Variants in PCLO observed in about 807,000 individuals in gnomAD.
The protein encoded by PCLO is piccolo presynaptic cytomatrix protein.
Under a neutral mutation model 427.5 loss-of-function variants are expected in PCLO, and 82 were observed. That is an observed-to-expected ratio of 0.19 (90% confidence interval 0.16 to 0.23). The LOEUF (loss-of-function observed/expected upper bound fraction) is 0.23, where lower values mean the gene tolerates loss of function less well. Among genes scored for constraint, PCLO ranks in the 10% least tolerant of loss-of-function variants. The pLI is 1.00. For synonymous variants in PCLO, 2,357 were observed against 2,155.4 expected, an observed-to-expected ratio of 1.09 and a Z score of -2.59; for missense variants, 6,239 against 6,115.9, an observed-to-expected ratio of 1.02 and a Z score of -0.67.
chr7:83,086,205 G>A (rs2116417888), intron 3 of PCLO, among the ~76,000 whole-genome samples: 1 of 151,812 alleles, frequency 6.6e-6, no homozygotes, highest in South Asian at 2.1e-4. Flanking sequence ...CCACCTACCA[G>A]ACTCAAGCGA....
chr7:82,904,725 G>C (rs1006001020), intron 8 of PCLO, among the ~76,000 whole-genome samples: 1 of 151,850 alleles, frequency 6.6e-6, no homozygotes, highest in East Asian at 1.9e-4. Flanking sequence ...TCATCATCAG[G>C]CTTCCTAATT....
At chr7:82,974,176 C>G (rs1179971066) in intron 3 of PCLO, among the ~76,000 whole-genome samples, 1 of 151,332 alleles carries the variant, frequency 6.6e-6, no homozygotes, top group Non-Finnish European at 1.5e-5. Context: ...CTCTTGAGGT[C>G]AGGAGTTTGA....
intron 11 of PCLO, 99 bp from the exon 12 acceptor site, chr7:82,846,733 G>A: frequency 2.8e-6 from 2 of 703,902 alleles, no homozygotes; most frequent in Non-Finnish European, 4.8e-6. Context: ...AGGTAAATGA[G>A]AAGTGGTTAA....
intron 10 of PCLO, among the ~76,000 whole-genome samples, chr7:82,853,553 T>C (rs141943247): frequency 0.013 from 1,988 of 152,260 alleles, 29 homozygotes; most frequent in Non-Finnish European, 0.017. Context: ...CCAATAACTA[T>C]AGGAATAAGG....
chr7:82,866,954 C>A (rs1269415000), intron 10 of PCLO, among the ~76,000 whole-genome samples: 1 of 152,100 alleles, frequency 6.6e-6, no homozygotes, highest in Non-Finnish European at 1.5e-5. Flanking sequence ...GGGGAAAAAT[C>A]TGTAAGCTCC....
In PCLO at chr7:82,777,605, C is replaced by A. The variant is rs75683989; in HGVS notation, c.15008-16112G>T. On this transcript the variant is annotated intron_variant, in intron 22 of 24. Coordinates refer to ENST00000333891, the MANE Select transcript of PCLO (RefSeq NM_033026.6). The stretch of plus-strand genomic sequence containing the variant: ...CAGAAATAAGGCTGTACACCTACAA[C>A]TATCTGATCTTTGGCAATGCTGACA... 3.7e-3 allele frequency among the ~76,000 whole-genome samples: 567 copies of A among 152,222 alleles called. 6 individuals are homozygous for A. Among genetic ancestry groups the A allele is most frequent in the African/African-American group, 0.013 (541 of 41,538 alleles).
At chr7:82,785,839 C>A (rs921413376) in intron 22 of PCLO, among the ~76,000 whole-genome samples, 1 of 152,116 alleles carries the variant, frequency 6.6e-6, no homozygotes, top group African/African-American at 2.4e-5. Flanking sequence ...AGACTCAACA[C>A]AATTTTGATA....
At chr7:83,077,964 G>GA (rs1482712652) in intron 3 of PCLO, among the ~76,000 whole-genome samples, 14 of 152,170 alleles carry the variant, frequency 9.2e-5, no homozygotes, top group Admixed American at 5.9e-4. Context: ...GGGTAGGACA[G>GA]AAAAAGGCGG....
chr7:83,142,667 G>A (rs1791890776), intron 2 of PCLO, among the ~76,000 whole-genome samples: 1 of 152,028 alleles, frequency 6.6e-6, no homozygotes, highest in African/African-American at 2.4e-5. Context: ...CTTTTAAAAA[G>A]TGCAAACATG....
Position 82,949,477 on chromosome 7 carries a change from G to A in PCLO, c.11111C>T (p.Thr3704Met), listed in dbSNP as rs530909855. 6.9e-6 allele frequency: 11 copies of A among 1,584,148 alleles called. No individual in the cohort carries two copies. The highest frequency in any genetic ancestry group is 1.7e-4 in the Middle Eastern group (1 of 5,844). Residue 3704 changes from threonine (T) to methionine (M), a missense_variant and splice_region_variant, in exon 6 of 25, where the codon ACG becomes ATG. This residue lies in a region of PCLO where 4,677 missense variants were observed against 4,468.4 expected (regional missense o/e 1.05). Transcript: ENST00000333891. ...CCAACTGAAAAGAATCACTCTTACCGTATAGCCCTCGGTATACTGAAAAGG... is the reference window on the plus strand; with the variant it reads ...CCAACTGAAAAGAATCACTCTTACCATATAGCCCTCGGTATACTGAAAAGG... ...RAPFQYTEGY[T>M]TKGSQTMTSS... is the part of the protein sequence containing the mutation.
intron 22 of PCLO, among the ~76,000 whole-genome samples, chr7:82,800,978 A>G (rs896727192): frequency 6.6e-6 from 1 of 151,580 alleles, no homozygotes; most frequent in Non-Finnish European, 1.5e-5. Flanking sequence ...GACGTCAAGG[A>G]TTTTTCACAT....
chr7:82,988,978 G>A (rs1448230472), intron 3 of PCLO, among the ~76,000 whole-genome samples: 2 of 151,926 alleles, frequency 1.3e-5, no homozygotes, highest in African/African-American at 4.8e-5. Flanking sequence ...GGGATTACAG[G>A]CATGCACCAC....
At chr7:82,910,426 C>T (rs781411022) in intron 7 of PCLO, among the ~76,000 whole-genome samples, 4 of 152,178 alleles carry the variant, frequency 2.6e-5, no homozygotes, top group South Asian at 2.1e-4. Context: ...AAATGAGCAA[C>T]GATGTGTCAT....
chr7:82,931,533 A>C (rs573587549), intron 6 of PCLO, among the ~76,000 whole-genome samples: 1 of 152,248 alleles, frequency 6.6e-6, no homozygotes, highest in South Asian at 2.1e-4. Context: ...GTCCTGACTA[A>C]GGAAGACTAC....
intron 23 of PCLO, 55 bp from the exon 24 acceptor site, chr7:82,760,839 A>G (rs1200203109): frequency 2.0e-6 from 2 of 979,844 alleles, no homozygotes; most frequent in Non-Finnish European, 3.0e-6. Context: ...ATTTCTATTG[A>G]AAGAATTATA....
chr7:82,905,610 T>C (rs931415346), intron 8 of PCLO, among the ~76,000 whole-genome samples: 1 of 151,948 alleles, frequency 6.6e-6, no homozygotes, highest in Non-Finnish European at 1.5e-5. Context: ...GGTGGTAGTG[T>C]CAGGGGAGTC....
At chr7:82,770,238 A>G (rs1790620702) in intron 22 of PCLO, among the ~76,000 whole-genome samples, 1 of 151,050 alleles carries the variant, frequency 6.6e-6, no homozygotes, top group Admixed American at 6.6e-5. Flanking sequence ...ATTTCTCCAT[A>G]TTCCCTTATT....
At chr7:83,025,667 T>C (rs1406674783) in intron 3 of PCLO, among the ~76,000 whole-genome samples, 1 of 150,568 alleles carries the variant, frequency 6.6e-6, no homozygotes, top group East Asian at 2.0e-4. Flanking sequence ...TTCACCAAAG[T>C]TGAAATGAAG....
At chr7:83,109,307 A>G (rs1790944381) in intron 3 of PCLO, among the ~76,000 whole-genome samples, 1 of 152,148 alleles carries the variant, frequency 6.6e-6, no homozygotes, top group South Asian at 2.1e-4. Context: ...TTCTCTAATT[A>G]TACTTTCATC....
Sources: gnomAD v4.1 joint callset for allele counts (sites outside exome capture counted in the v4.1 genomes callset) on GRCh38, gnomAD v4.1.1 for gene constraint, gnomAD v4.1.1 regional missense constraint, MANE v1.5 for transcripts, NCBI Gene and HGNC (gene_info 2026-07-23, HGNC 2026-07-21) for gene names.